The following NBEAL1 variants were observed in gnomAD, a reference collection of about 807,000 sequenced individuals.
The protein encoded by NBEAL1 is neurobeachin-like protein 1.
In NBEAL1, 273 loss-of-function variants were observed where a neutral mutation model predicts 351.3. That is an observed-to-expected ratio of 0.78 (90% CI 0.70 to 0.86). NBEAL1 has a LOEUF of 0.86. NBEAL1 is among the 40% of genes least tolerant of loss of function. The probability of loss-of-function intolerance (pLI) is 0.00; values close to 1 mark genes in which losing one functional copy is unlikely to be tolerated. For missense variants in NBEAL1, 2,961 were observed against 3,201.3 expected, an observed-to-expected ratio of 0.92 and a Z score of 1.81; for synonymous variants, 1,050 against 1,086.4, an observed-to-expected ratio of 0.97 and a Z score of 0.66.
intron 10 of NBEAL1, among the ~76,000 whole-genome samples, chr2:203,091,556 A>G (rs1419477660): frequency 2.6e-5 from 4 of 152,132 alleles, no homozygotes; most frequent in East Asian, 1.9e-4. Context: ...ATTGTTTTCC[A>G]TAGTAGCTGT....
chr2:203,077,703 C>T (rs2061801358), intron 7 of NBEAL1, 49 bp from the exon 8 acceptor site: 1 of 1,087,272 alleles, frequency 9.2e-7, no homozygotes, highest in Admixed American at 3.3e-5. Context: ...ATAAATCATA[C>T]TGTGAAAGAC....
chr2:203,105,590 T>TC (rs1352339439), intron 12 of NBEAL1, among the ~76,000 whole-genome samples: 1 of 152,224 alleles, frequency 6.6e-6, no homozygotes, highest in East Asian at 1.9e-4. Context: ...GATGTGCCGA[T>TC]TTTCACTATG....
chr2:203,176,943 T>G (rs373797839), intron 42 of NBEAL1, among the ~76,000 whole-genome samples: 1 of 151,938 alleles, frequency 6.6e-6, no homozygotes, highest in East Asian at 1.9e-4. Flanking sequence ...CTTGAGCCCA[T>G]GAGTTTGAGA....
At chr2:203,143,039 A>G (rs921193049) in intron 31 of NBEAL1, among the ~76,000 whole-genome samples, 1 of 152,228 alleles carries the variant, frequency 6.6e-6, no homozygotes, top group Non-Finnish European at 1.5e-5. Flanking sequence ...TGGCACAAAT[A>G]CATTCTTGAA....
At chr2:203,093,119 C>T (rs901335696) in intron 10 of NBEAL1, among the ~76,000 whole-genome samples, 2 of 151,034 alleles carry the variant, frequency 1.3e-5, no homozygotes, top group Non-Finnish European at 2.9e-5. Flanking sequence ...GTAGTCCCAG[C>T]TACTGGGGAG....
intron 46 of NBEAL1, among the ~76,000 whole-genome samples, chr2:203,192,793 T>G (rs1052059794): frequency 4.6e-5 from 7 of 152,148 alleles, no homozygotes; most frequent in African/African-American, 1.7e-4. Context: ...TGTTTTGCCT[T>G]TTAACTGTGC....
At chr2:203,029,040 C>A (rs2060906900) in intron 2 of NBEAL1, among the ~76,000 whole-genome samples, 1 of 152,126 alleles carries the variant, frequency 6.6e-6, no homozygotes, top group Non-Finnish European at 1.5e-5. Flanking sequence ...GGCTGGAGTG[C>A]AATGGTGTGA....
At chr2:203,106,261 T>C (rs2062435851) in intron 12 of NBEAL1, among the ~76,000 whole-genome samples, 1 of 152,222 alleles carries the variant, frequency 6.6e-6, no homozygotes, top group African/African-American at 2.4e-5. Context: ...TCTAATATAC[T>C]TTATGCCTCA....
At position 203,159,982 on chromosome 2, in the gene NBEAL1, G is replaced by A. The variant is rs1007435620; in HGVS notation, c.5714+2157G>A. On this transcript the variant is annotated intron_variant, in intron 36 of 55. Coordinates refer to ENST00000683969, the MANE Select transcript of NBEAL1 (RefSeq NM_001378026.1). Reference sequence around the variant, plus strand: ...TTTCTATCTTATTTGCATTTTCCTAGTACCTAATAATGTTGAGCATCTTTC... The same window carrying A: ...TTTCTATCTTATTTGCATTTTCCTAATACCTAATAATGTTGAGCATCTTTC... Among the ~76,000 whole-genome samples, 8 of 149,920 alleles carry A rather than the reference G, an allele frequency of 5.3e-5. No individual in the cohort carries two copies. The East Asian group carries it at 1.6e-3, about 29-fold the overall frequency.
intron 7 of NBEAL1, among the ~76,000 whole-genome samples, chr2:203,076,111 T>G (rs2061767013): frequency 6.6e-6 from 1 of 152,082 alleles, no homozygotes; most frequent in African/African-American, 2.4e-5. Context: ...ACTGGATAAG[T>G]GAAGTTAACA....
intron 18 of NBEAL1, among the ~76,000 whole-genome samples, chr2:203,119,926 GT>G (rs990276563): frequency 6.6e-6 from 1 of 151,830 alleles, no homozygotes; most frequent in Non-Finnish European, 1.5e-5. Context: ...ATAGTCAACA[GT>G]TTTTTTTGTA....
At chr2:203,082,945 C>A (rs182273156) in intron 8 of NBEAL1, among the ~76,000 whole-genome samples, 41 of 152,262 alleles carry the variant, frequency 2.7e-4, no homozygotes, top group African/African-American at 9.4e-4. Flanking sequence ...TAAAATGATA[C>A]CCTCTTCATA....
At position 203,223,973 on chromosome 2, in the gene NBEAL1, G is replaced by A. The variant is rs1048557414; in HGVS notation, c.*6619G>A. Among the ~76,000 whole-genome samples the A allele has an allele frequency of 6.6e-6, 1 of 151,942 alleles. No homozygotes were observed. The highest frequency in any genetic ancestry group is 2.4e-5 in the African/African-American group (1 of 41,410). On this transcript the variant is annotated 3_prime_UTR_variant, in exon 56 of 56. Transcript: ENST00000683969. ...GTCAGACTTAATTGAAAAACTGTCA[G>A]CGTCTGTTTTGTATATAGGGATTAA...
intron 46 of NBEAL1, chr2:203,190,777 A>C (rs1203274245): frequency 6.2e-7 from 1 of 1,610,362 alleles, no homozygotes; most frequent in African/African-American, 1.3e-5. Flanking sequence ...AGCCGCCTCC[A>C]CCATGCCGCC....
chr2:203,192,963 C>CTCTTTTTTTTTTTTTTTTTTTTTTTTTT (rs1559053733), intron 46 of NBEAL1, among the ~76,000 whole-genome samples: 1 of 99,332 alleles, frequency 1.0e-5, no homozygotes, highest in Non-Finnish European at 2.0e-5. Context: ...TTCTTTCTTT[C>CTCTTTTTTTTTTTTTTTTTTTTTTTTTT]TTTTTTTTTT....
intron 2 of NBEAL1, among the ~76,000 whole-genome samples, chr2:203,027,535 C>T (rs1290130545): frequency 1.3e-5 from 2 of 152,038 alleles, no homozygotes; most frequent in African/African-American, 2.4e-5. Context: ...TTAACTGCTA[C>T]ATAATTTTTA....
rs1366410491 is a variant in NBEAL1 at position 203,084,583 on chromosome 2, A to G, written c.1098+14A>G. ...CAGAACTGCAAGGTATTTTTCTATT[A>G]TTGTTGTTGTCTTTGATTTTAAGAA... is the stretch of plus-strand genomic sequence containing the variant. On this transcript the variant is annotated intron_variant, in intron 10 of 55. Coordinates refer to ENST00000683969, the MANE Select transcript of NBEAL1 (RefSeq NM_001378026.1). The G allele has an allele frequency of 1.4e-6, 2 of 1,384,420 alleles. No individual in the cohort carries two copies. The highest frequency in any genetic ancestry group is 1.9e-6 in the Non-Finnish European group (2 of 1,028,446). The allele number at this position is 1,384,420 out of a possible 1,614,324, so 85.8% of individuals were successfully genotyped here. A position where few individuals can be genotyped will look rare whatever the true frequency, so the allele number is the denominator to read the frequency against.
chr2:203,171,119 A>G lies in NBEAL1; in HGVS notation c.6103-809A>G, dbSNP rs144651737. Among the ~76,000 whole-genome samples, 507 of 151,962 alleles carry G rather than the reference A, an allele frequency of 3.3e-3. 4 individuals carry two copies. Among genetic ancestry groups the G allele is most frequent in the African/African-American group, 0.012 (489 of 41,468 alleles). ...TAAAAATACAAAAAATTAGCTGGGC[A>G]TGGTGGTGGGTGCCTGTAATCCCAG... On this transcript the variant is annotated intron_variant, in intron 39 of 55. Transcript: ENST00000683969.
At chr2:203,122,692 T>C (rs2062856280) in intron 19 of NBEAL1, among the ~76,000 whole-genome samples, 1 of 152,220 alleles carries the variant, frequency 6.6e-6, no homozygotes, top group African/African-American at 2.4e-5. Flanking sequence ...TTATTTTCCT[T>C]TTTCATTGGC....
Sources: allele counts gnomAD v4.1 joint callset (sites outside exome capture counted in the v4.1 genomes callset), GRCh38; gene constraint gnomAD v4.1.1; transcripts MANE v1.5; gene names NCBI Gene and HGNC (gene_info 2026-07-23, HGNC 2026-07-21).